MAST4: variants seen among roughly 807,000 people sequenced by gnomAD.
MAST4 encodes the protein microtubule-associated serine/threonine-protein kinase 4.
MAST4 carries 89 observed loss-of-function variants against 162.7 expected under a neutral mutation model. That is an observed-to-expected ratio of 0.55 (90% CI 0.46 to 0.65). MAST4 has a LOEUF of 0.65. MAST4 is among the 30% of genes least tolerant of loss of function. The pLI is 0.00. For missense variants in MAST4, 3,153 were observed against 3,374.0 expected (o/e 0.93, Z 1.62); for synonymous variants, 1,479 against 1,361.1 (o/e 1.09, Z -1.91).
intron 3 of MAST4, among the ~76,000 whole-genome samples, chr5:66,814,673 T>C (rs553842702): frequency 9.5e-4 from 145 of 152,296 alleles, no homozygotes; most frequent in Non-Finnish European, 1.8e-3. Context: ...TTTAAAAAGA[T>C]GTATCTGTCA....
intron 4 of MAST4, among the ~76,000 whole-genome samples, chr5:66,953,559 A>G (rs567926186): frequency 1.3e-5 from 2 of 152,258 alleles, no homozygotes; most frequent in Non-Finnish European, 2.9e-5. Context: ...GGCTCTGTCT[A>G]TAAAAAGCCA....
chr5:66,846,158 A>G (rs1229703308), intron 3 of MAST4, among the ~76,000 whole-genome samples: 3 of 152,130 alleles, frequency 2.0e-5, no homozygotes, highest in Non-Finnish European at 4.4e-5. Flanking sequence ...AAATCCAGAG[A>G]GTTTGGCCGC....
At chr5:67,047,242 C>T (rs547442569) in intron 4 of MAST4, among the ~76,000 whole-genome samples, 1 of 152,300 alleles carries the variant, frequency 6.6e-6, no homozygotes, top group African/African-American at 2.4e-5. Context: ...CAGAACCTTC[C>T]AACAGCTTCC....
At chr5:66,598,721 T>C (rs543901851) in intron 1 of MAST4, among the ~76,000 whole-genome samples, 103 of 152,296 alleles carry the variant, frequency 6.8e-4, no homozygotes, top group African/African-American at 2.3e-3. Flanking sequence ...GTATTGCCGC[T>C]GGTGGAGAGT....
chr5:67,148,534 C>A (rs145906976), intron 23 of MAST4, among the ~76,000 whole-genome samples: 1 of 152,132 alleles, frequency 6.6e-6, no homozygotes, highest in Non-Finnish European at 1.5e-5. Flanking sequence ...TCCTCTCTTA[C>A]GCTCCGTTGT....
At chr5:66,925,500 T>C (rs911290220) in intron 4 of MAST4, among the ~76,000 whole-genome samples, 1 of 152,196 alleles carries the variant, frequency 6.6e-6, no homozygotes, top group Non-Finnish European at 1.5e-5. Flanking sequence ...CAGATTTTCT[T>C]TGTTTTGCCT....
intron 5 of MAST4, among the ~76,000 whole-genome samples, chr5:67,075,161 G>GTTTTTTTTTTTTTTTT (rs35184662): frequency 7.8e-6 from 1 of 128,160 alleles, no homozygotes. Flanking sequence ...ATTGGAATGA[G>GTTTTTTTTTTTTTTTT]TTTTTTTTTT....
rs553822212 is a variant in MAST4, at chr5:66,986,545, TTCTC to T, written c.675-67855_675-67852del. The T allele has an allele frequency of 1.9e-4, 272 of 1,402,094 alleles. 2 individuals carry two copies. The South Asian group carries it at 2.7e-3, about 14-fold the overall frequency. The allele number at this position is 1,402,094 out of a possible 1,614,324, so 86.9% of individuals were successfully genotyped here. A position where few individuals can be genotyped will look rare whatever the true frequency, so the allele number is the denominator to read the frequency against. ...CTCATATTGTTTCCTTTCCAGTACT[TTCTC>T]TCTGTCTTTCCATATAGACATATAT... On this transcript the variant is annotated intron_variant, in intron 4 of 28. Transcript: ENST00000403625.
chr5:66,911,570 CCCCCCGCAAA>C (rs1475900478), intron 4 of MAST4, among the ~76,000 whole-genome samples: 3 of 84,158 alleles, frequency 3.6e-5, no homozygotes, highest in African/African-American at 1.4e-4. Context: ...CCCCCCCCCC[CCCCCCGCAAA>C]AAAAAATTAG....
At chr5:66,779,319 A>T (rs1034505788) in intron 2 of MAST4, among the ~76,000 whole-genome samples, 5 of 148,106 alleles carry the variant, frequency 3.4e-5, no homozygotes, top group Non-Finnish European at 7.4e-5. Flanking sequence ...ATTGGTCAGT[A>T]GTCAGTGATG....
intron 5 of MAST4, among the ~76,000 whole-genome samples, chr5:67,085,066 C>G (rs1278734391): frequency 6.6e-6 from 1 of 152,118 alleles, no homozygotes; most frequent in East Asian, 1.9e-4. Context: ...TAAGTAAAAA[C>G]GACTAAAGCT....
intron 4 of MAST4, among the ~76,000 whole-genome samples, chr5:66,923,688 G>A (rs1764695156): frequency 6.6e-6 from 1 of 152,116 alleles, no homozygotes; most frequent in Non-Finnish European, 1.5e-5. Context: ...TGACTCTTGA[G>A]GTTGCAAAGA....
intron 4 of MAST4, among the ~76,000 whole-genome samples, chr5:66,910,468 A>G (rs1313667267): frequency 1.3e-5 from 2 of 152,154 alleles, no homozygotes; most frequent in African/African-American, 4.8e-5. Context: ...TGGTAGCTCT[A>G]ACAGGGAACT....
rs542888097 is a variant in MAST4 at position 66,917,033 on chromosome 5, A to G, written c.674+17051A>G. On this transcript the variant is annotated intron_variant, in intron 4 of 28. Coordinates refer to ENST00000403625, the MANE Select transcript of MAST4 (RefSeq NM_001164664.2). ...TTGGTCAAACGGTATGTGTATTTCT[A>G]ATTTTAATAGCTATCACTTTACCCA... 31 of 718,044 alleles carry G rather than the reference A, an allele frequency of 4.3e-5. 1 individual carries two copies. Among genetic ancestry groups the G allele is most frequent in the South Asian group, 2.5e-4 (17 of 67,552 alleles). The allele number at this position is 718,044 out of a possible 1,614,324, so 44.5% of individuals were successfully genotyped here. A position where few individuals can be genotyped will look rare whatever the true frequency, so the allele number is the denominator to read the frequency against.
chr5:66,925,209 A>C (rs771407513), intron 4 of MAST4, among the ~76,000 whole-genome samples: 1 of 152,154 alleles, frequency 6.6e-6, no homozygotes, highest in Non-Finnish European at 1.5e-5. Context: ...CTGCTTGCCC[A>C]CAAAATTTGC....
chr5:66,635,757 A>G (rs1745068861), intron 1 of MAST4, among the ~76,000 whole-genome samples: 2 of 151,432 alleles, frequency 1.3e-5, no homozygotes, highest in African/African-American at 4.9e-5. Flanking sequence ...GGCTCACTGC[A>G]ACCTCCGCCA....
intron 3 of MAST4, among the ~76,000 whole-genome samples, chr5:66,898,491 CTT>C (rs34884231): frequency 0.35 from 53,404 of 151,806 alleles, 10,515 homozygotes; most frequent in Non-Finnish European, 0.46. Context: ...AGACTTTTCT[CTT>C]GTCATTAGAG....
intron 3 of MAST4, among the ~76,000 whole-genome samples, chr5:66,804,707 G>C (rs1406593973): frequency 1.3e-5 from 2 of 152,172 alleles, no homozygotes; most frequent in Non-Finnish European, 2.9e-5. Context: ...CTCTGGAAGG[G>C]TTTAAGAGTG....
At chr5:66,751,494 A>G (rs1007589607) in intron 1 of MAST4, among the ~76,000 whole-genome samples, 3 of 152,248 alleles carry the variant, frequency 2.0e-5, no homozygotes, top group African/African-American at 7.2e-5. Context: ...CTATGTGAAG[A>G]ATTCAGAAGC....
Sources: gnomAD v4.1 joint callset for allele counts (sites outside exome capture counted in the v4.1 genomes callset) on GRCh38, gnomAD v4.1.1 for gene constraint, MANE v1.5 for transcripts, NCBI Gene and HGNC (gene_info 2026-07-23, HGNC 2026-07-21) for gene names.